RANBP2: variants seen among roughly 807,000 people sequenced by gnomAD.
The protein encoded by RANBP2 is RAN binding protein 2.
A neutral mutation model predicts 303.6 loss-of-function variants in RANBP2; 57 were observed. The ratio of observed to expected loss-of-function variants is 0.19; its 90% CI spans 0.15 to 0.23. The LOEUF (loss-of-function observed/expected upper bound fraction) is 0.23, where lower values mean the gene tolerates loss of function less well. Ranked by LOEUF, RANBP2 falls within the 10% of genes least tolerant of loss-of-function variation. The probability of loss-of-function intolerance (pLI) is 1.00; values close to 1 mark genes in which losing one functional copy is unlikely to be tolerated. For synonymous variants in RANBP2, 1,167 were observed against 1,301.5 expected, an observed-to-expected ratio of 0.90 and a Z score of 2.23; for missense variants, 3,138 against 3,780.8, an observed-to-expected ratio of 0.83 and a Z score of 4.46.
At chr2:109,700,757 G>A in the RANBP2 span, among the ~76,000 whole-genome samples, 45 of 152,056 alleles carry the variant, frequency 3.0e-4, no homozygotes, top group African/African-American at 1.1e-3. Flanking sequence ...TGTGGAGCTC[G>A]TGCAAACACA....
At chr2:109,734,965 TATC>T in the RANBP2 span, among the ~76,000 whole-genome samples, 142 of 152,302 alleles carry the variant, frequency 9.3e-4, no homozygotes, top group African/African-American at 3.3e-3. Flanking sequence ...TCAGGGTAAT[TATC>T]ATATCCATCA....
chr2:109,258,023 C>A, the RANBP2 span, among the ~76,000 whole-genome samples: 1 of 152,166 alleles, frequency 6.6e-6, no homozygotes, highest in East Asian at 1.9e-4. Flanking sequence ...TACCTGTGCA[C>A]ACATGTACAC....
chr2:109,171,452 C>T, the RANBP2 span, among the ~76,000 whole-genome samples: 1 of 152,248 alleles, frequency 6.6e-6, no homozygotes, highest in Non-Finnish European at 1.5e-5. Context: ...AAAAATGCTT[C>T]CCCTCCTGCT....
At chr2:108,948,743 C>T in the RANBP2 span, among the ~76,000 whole-genome samples, 2 of 152,168 alleles carry the variant, frequency 1.3e-5, no homozygotes, top group Admixed American at 6.5e-5. Context: ...CACCTCCCAC[C>T]AGGTCTCTCC....
chr2:108,983,234 G>A, the RANBP2 span, among the ~76,000 whole-genome samples: 1 of 152,188 alleles, frequency 6.6e-6, no homozygotes, highest in African/African-American at 2.4e-5. Flanking sequence ...TTATGGACAG[G>A]AGGCTTTAGG....
At chr2:109,183,928 A>G in the RANBP2 span, among the ~76,000 whole-genome samples, 1 of 152,156 alleles carries the variant, frequency 6.6e-6, no homozygotes, top group Non-Finnish European at 1.5e-5. Flanking sequence ...CCCCACACCT[A>G]CCAGTTGCAG....
the RANBP2 span, chr2:109,127,997 A>C: frequency 6.6e-6 from 1 of 152,290 alleles, no homozygotes; most frequent in Non-Finnish European, 1.5e-5. Context: ...ACAACTTCAC[A>C]AACCACAAGG....
the RANBP2 span, among the ~76,000 whole-genome samples, chr2:109,306,675 T>C: frequency 6.6e-6 from 1 of 152,204 alleles, no homozygotes; most frequent in African/African-American, 2.4e-5. Flanking sequence ...AAATGCCCAG[T>C]AACCTAGCAT....
chr2:108,866,648 G>T, the RANBP2 span, among the ~76,000 whole-genome samples: 1 of 152,174 alleles, frequency 6.6e-6, no homozygotes, highest in Admixed American at 6.5e-5. Flanking sequence ...ACTTTGGGAG[G>T]CTGAGGCAGG....
At chr2:108,903,730 T>A in the RANBP2 span, among the ~76,000 whole-genome samples, 1 of 152,200 alleles carries the variant, frequency 6.6e-6, no homozygotes, top group African/African-American at 2.4e-5. Context: ...AAGTTTCATA[T>A]CTTCTATAAA....
At chr2:109,191,633 A>G in the RANBP2 span, among the ~76,000 whole-genome samples, 124,451 of 152,134 alleles carry the variant, frequency 0.82, 51,037 homozygotes, top group East Asian at 0.89. Context: ...TTGCAGCAAG[A>G]GCAGTCCCAA....
chr2:109,538,081 G>C, the RANBP2 span, among the ~76,000 whole-genome samples: 20 of 152,164 alleles, frequency 1.3e-4, no homozygotes, highest in African/African-American at 4.8e-4. Context: ...TGTTCCTTCT[G>C]GAGGCTCTAG....
At chr2:109,032,029 C>A in the RANBP2 span, among the ~76,000 whole-genome samples, 2 of 151,916 alleles carry the variant, frequency 1.3e-5, no homozygotes, top group African/African-American at 4.8e-5. Context: ...TGTTCAAACC[C>A]CCTACGGTTA....
chr2:109,559,110 T>C, the RANBP2 span, among the ~76,000 whole-genome samples: 3 of 152,170 alleles, frequency 2.0e-5, no homozygotes, highest in Non-Finnish European at 4.4e-5. Context: ...GGTCTTGAAC[T>C]CCTGACCTCA....
the RANBP2 span, among the ~76,000 whole-genome samples, chr2:109,171,382 A>C: frequency 6.6e-6 from 1 of 152,192 alleles, no homozygotes; most frequent in African/African-American, 2.4e-5. Context: ...ATTTGTTGTT[A>C]GTGACTATGA....
chr2:108,977,850 C>CT, the RANBP2 span, among the ~76,000 whole-genome samples: 1 of 152,204 alleles, frequency 6.6e-6, no homozygotes, highest in Non-Finnish European at 1.5e-5. Flanking sequence ...GGTTCACACA[C>CT]TTTTTAAGCC....
At chr2:109,350,700 T>C in the RANBP2 span, among the ~76,000 whole-genome samples, 1 of 152,220 alleles carries the variant, frequency 6.6e-6, no homozygotes, top group African/African-American at 2.4e-5. Flanking sequence ...CCCCCATGCC[T>C]GGCATGCAGC....
the RANBP2 span, among the ~76,000 whole-genome samples, chr2:109,220,925 C>G: frequency 6.6e-6 from 1 of 152,180 alleles, no homozygotes; most frequent in African/African-American, 2.4e-5. Context: ...TAGGCTTATA[C>G]CCAAATGAAT....
At chr2:108,769,078 A>G (rs2114741) in intron 20 of RANBP2, among the ~76,000 whole-genome samples, 7 of 152,196 alleles carry the variant, frequency 4.6e-5, no homozygotes, top group African/African-American at 1.7e-4. Context: ...CTCATTTTAT[A>G]TGTTGTATGT....
Sources: allele counts gnomAD v4.1 joint callset (sites outside exome capture counted in the v4.1 genomes callset), GRCh38; gene constraint gnomAD v4.1.1; transcripts MANE v1.5; gene names NCBI Gene and HGNC (gene_info 2026-07-23, HGNC 2026-07-21).